Variants in ALPK3 observed in about 807,000 individuals in gnomAD.
ALPK3 encodes the protein alpha-protein kinase 3.
In ALPK3, 102 loss-of-function variants were observed where a neutral mutation model predicts 140.0. The observed-to-expected ratio is 0.73, with a 90% CI of 0.62 to 0.86. ALPK3 has a LOEUF of 0.86. ALPK3 is among the 40% of genes least tolerant of loss of function. The pLI, the probability that ALPK3 is intolerant of heterozygous loss-of-function variation, is 0.00. For synonymous variants in ALPK3, 938 were observed against 898.5 expected (o/e 1.04, Z -0.79); for missense variants, 2,254 against 2,208.2 (o/e 1.02, Z -0.42).
rs537007365 is a variant in ALPK3, at chr15:84,847,756, C to G, written c.1653+6824C>G. Among the ~76,000 whole-genome samples, 15 of 152,236 alleles carry G rather than the reference C, an allele frequency of 9.9e-5. No homozygotes were observed. The South Asian group carries it at 2.9e-3, about 30-fold the overall frequency. On this transcript the variant is annotated intron_variant, in intron 5 of 13. Coordinates refer to ENST00000258888, the MANE Select transcript of ALPK3 (RefSeq NM_020778.5). ...AACAAGACACTACATTGTCAGCAGACCTGTTCTAGAAGAATTGCTAGGCTG... is the reference window on the plus strand; with the variant it reads ...AACAAGACACTACATTGTCAGCAGAGCTGTTCTAGAAGAATTGCTAGGCTG...
At chr15:84,850,879 TACACACACACACACACACACACACAC>T (rs4040516) in intron 5 of ALPK3, among the ~76,000 whole-genome samples, 1 of 142,366 alleles carries the variant, frequency 7.0e-6, no homozygotes, top group East Asian at 2.0e-4. Context: ...GTTCCAGATA[TACACACACACACACACACACACACAC>T]ACACACACAC....
rs56005718 is a variant in ALPK3 at position 84,856,448 on chromosome 15, T to C, written c.1710T>C (p.Asp570=). 4,786 of 1,613,696 alleles carry C rather than the reference T, an allele frequency of 3.0e-3. 130 individuals carry two copies. In the Admixed American group the frequency reaches 0.044, roughly 15 times the overall value. Residue 570 remains aspartate, a synonymous_variant, in exon 6 of 14, where the codon GAT becomes GAC. Transcript: ENST00000258888. ...APTMSASSSS[D]VASIGVSTSG... is the part of the protein sequence containing the mutation. ...CCATGTCGGCCAGCAGCAGCTCTGATGTAGCCTCCATTGGGGTTAGCACTT... is the reference window on the plus strand; with the variant it reads ...CCATGTCGGCCAGCAGCAGCTCTGACGTAGCCTCCATTGGGGTTAGCACTT...
Position 84,839,843 on chromosome 15 carries a change from G to C in ALPK3, c.564G>C (p.Lys188Asn), listed in dbSNP as rs777335669. The change falls in exon 5 of 14, where the codon AAG (lysine) becomes AAC (asparagine). Residue 188 changes from lysine to asparagine, a missense_variant. Lys to Asn is a moderately conservative substitution (Grantham distance 94). Coordinates refer to ENST00000258888, the MANE Select transcript of ALPK3 (RefSeq NM_020778.5). ...HQRWFAKLKRKAAAKLREIEQ... is the reference protein window; with the variant it reads ...HQRWFAKLKRNAAAKLREIEQ... ...GCTGGTTCGCCAAGTTGAAGCGCAA[G>C]GCTGCGGCAAAGCTGCGCGAGATCG... The C allele has an allele frequency of 3.1e-6, 5 of 1,614,156 alleles. No individual in the cohort carries two copies. In the African/African-American group the frequency reaches 4.0e-5, roughly 13 times the overall value.
At chr15:84,863,858 C>T (rs574516885) in intron 11 of ALPK3, among the ~76,000 whole-genome samples, 10 of 152,206 alleles carry the variant, frequency 6.6e-5, no homozygotes, top group Non-Finnish European at 8.8e-5. Context: ...ACTTGAGTCC[C>T]GCCCACCCCG....
At chr15:84,829,244 A>C (rs28363946) in intron 3 of ALPK3, among the ~76,000 whole-genome samples, 20,402 of 152,178 alleles carry the variant, frequency 0.13, 1,457 homozygotes, top group Non-Finnish European at 0.16. Context: ...GTTATGGTAG[A>C]TAAGGAATTA....
At chr15:84,855,014 CT>C (rs1303045568) in intron 5 of ALPK3, among the ~76,000 whole-genome samples, 1 of 152,208 alleles carries the variant, frequency 6.6e-6, no homozygotes, top group African/African-American at 2.4e-5. Context: ...AACAATATTC[CT>C]TTAGTCTTTG....
intron 1 of ALPK3, among the ~76,000 whole-genome samples, chr15:84,818,057 G>C (rs1963382721): frequency 6.6e-6 from 1 of 152,124 alleles, no homozygotes; most frequent in Non-Finnish European, 1.5e-5. Context: ...GGGTGGGGAG[G>C]TTCTCCAGGA....
rs773771642 is a variant in ALPK3 at position 84,864,534 on chromosome 15, G to A, written c.4592G>A (p.Cys1531Tyr). 2 of 1,614,212 alleles carry A rather than the reference G, an allele frequency of 1.2e-6. No individual in the cohort carries two copies. Among genetic ancestry groups the A allele is most frequent in the Non-Finnish European group, 8.5e-7 (1 of 1,180,036 alleles). Residue 1531 changes from cysteine (C) to tyrosine (Y), a missense_variant, in exon 12 of 14, where the codon TGT (cysteine) becomes TAT (tyrosine). Transcript: ENST00000258888. ...CTGGGCAAGCCCCTGGAGTCTTACT[G>A]TTCTCGGGAATGGGGCTGTGCTGAG... ...EDLGKPLESY[C>Y]SREWGCAEAP... is the part of the protein sequence containing the mutation.
At chr15:84,863,868 G>A (rs545000300) in intron 11 of ALPK3, among the ~76,000 whole-genome samples, 40 of 152,276 alleles carry the variant, frequency 2.6e-4, no homozygotes, top group African/African-American at 8.7e-4. Flanking sequence ...CGCCCACCCC[G>A]GTTCCTCATT....
rs748479256 is a variant in ALPK3, at chr15:84,856,750, T to C, written c.2012T>C (p.Leu671Pro). ...ACACAGGGAAGGGCAGAGACACAGC[T>C]AGAAACAACACAGGCAGGTGAGAAG... ...MMTQGRAETQ[L>P]ETTQAGEKIQ... Residue 671 changes from leucine (L) to proline (P), a missense_variant, in exon 6 of 14, where the codon CTA (leucine) becomes CCA (proline). Leu to Pro is a moderately conservative substitution (Grantham distance 98, BLOSUM62 -3). This residue lies in a region of ALPK3 where 2,088 missense variants were observed against 2,022.9 expected (regional missense o/e 1.03). Coordinates refer to ENST00000258888, the MANE Select transcript of ALPK3 (RefSeq NM_020778.5). 2 of 1,613,580 alleles carry C rather than the reference T, an allele frequency of 1.2e-6. No homozygotes were observed. Among genetic ancestry groups the C allele is most frequent in the Non-Finnish European group, 1.7e-6 (2 of 1,179,938 alleles).
In ALPK3 at chr15:84,858,493, C is replaced by T. The variant is rs1471128425; in HGVS notation, c.3755C>T (p.Ala1252Val). 6.3e-7 allele frequency: 1 copy of T among 1,581,418 alleles called. No individual in the cohort carries two copies. Among genetic ancestry groups the T allele is most frequent in the Non-Finnish European group, 8.5e-7 (1 of 1,169,834 alleles). The part of the protein sequence containing the change: ...PKAGGLDTEV[A>V]LDEGKQETLA... ...GCCGGCGGTCTGGACACAGAGGTGGCCCTGGATGAAGGCAAGCAGGAGACA... is the reference window on the plus strand; with the variant it reads ...GCCGGCGGTCTGGACACAGAGGTGGTCCTGGATGAAGGCAAGCAGGAGACA... The change falls in exon 6 of 14, where the codon GCC becomes GTC. Residue 1252 changes from alanine (A) to valine (V), a missense_variant. Around this residue, in one of 3 missense-constraint regions of ALPK3, gnomAD observed 2,088 missense variants for 2,022.9 expected, o/e 1.03. Transcript: ENST00000258888.
intron 2 of ALPK3, 142 bp from the exon 3 acceptor site, chr15:84,827,342 G>C (rs371383917): frequency 3.8e-5 from 47 of 1,244,824 alleles, no homozygotes; most frequent in East Asian, 1.9e-4. Flanking sequence ...AAGCTGCCTT[G>C]AAGAAAGACT....
Position 84,871,977 on chromosome 15 carries a change from A to AT in ALPK3, c.*3521_*3522insT, listed in dbSNP as rs1426753956. On this transcript the variant is annotated 3_prime_UTR_variant, in exon 14 of 14. Transcript: ENST00000258888. The stretch of plus-strand genomic sequence containing the variant: ...AACAAGGGCCCAAAAGGGCCAAGAC[A>AT]AATTACTGCCCCTCTCAGAGCCACA... 1.3e-5 allele frequency: 2 copies of AT among 152,278 alleles called. No homozygotes were observed. The highest frequency in any genetic ancestry group is 6.5e-5 in the Admixed American group (1 of 15,282). 9.4% of individuals were successfully genotyped at this position (152,278 alleles called of 1,614,324 possible).
At position 84,868,640 on chromosome 15, in the gene ALPK3, C is replaced by T. The variant is rs1964032370; in HGVS notation, c.*184C>T. ...CATCAGATGGCTTTGGTGCATGGCA[C>T]ATAGCCCACTGGCCTCTTCTGGTGC... On this transcript the variant is annotated 3_prime_UTR_variant, in exon 14 of 14. Coordinates refer to ENST00000258888, the MANE Select transcript of ALPK3 (RefSeq NM_020778.5). 3.1e-6 allele frequency: 2 copies of T among 653,988 alleles called. No individual in the cohort carries two copies. Among genetic ancestry groups the T allele is most frequent in the Non-Finnish European group, 5.1e-6 (2 of 388,596 alleles). The allele number at this position is 653,988 out of a possible 1,614,324, so 40.5% of individuals were successfully genotyped here.
At position 84,872,652 on chromosome 15, in the gene ALPK3, A is replaced by G. The variant is rs1412176994; in HGVS notation, c.*4196A>G. 1 of 152,224 alleles carries G rather than the reference A, an allele frequency of 6.6e-6. No individual in the cohort carries two copies. 9.4% of individuals were successfully genotyped at this position (152,224 alleles called of 1,614,324 possible). On this transcript the variant is annotated 3_prime_UTR_variant, in exon 14 of 14. Coordinates refer to ENST00000258888, the MANE Select transcript of ALPK3 (RefSeq NM_020778.5). Reference sequence around the variant, plus strand: ...ACAGATCCCTCAACCCCAGAACTTTATAGAAGGGGCAGACCTTGGCATTTT... The same window carrying G: ...ACAGATCCCTCAACCCCAGAACTTTGTAGAAGGGGCAGACCTTGGCATTTT...
rs1964075398 is a variant in ALPK3 at position 84,871,858 on chromosome 15, G to C, written c.*3402G>C. ...AATTCTCTGGTTGGGTGCAGTATGT[G>C]AGGAGGTCACATGATGTTTATGGCA... On this transcript the variant is annotated 3_prime_UTR_variant, in exon 14 of 14. Transcript: ENST00000258888. The C allele has an allele frequency of 6.6e-6, 1 of 152,276 alleles. No homozygotes were observed. The highest frequency in any genetic ancestry group is 6.5e-5 in the Admixed American group (1 of 15,288). 9.4% of individuals were successfully genotyped at this position (152,276 alleles called of 1,614,324 possible). A position where few individuals can be genotyped will look rare whatever the true frequency, so the allele number is the denominator to read the frequency against.
At chr15:84,834,676 A>G (rs531630568) in intron 3 of ALPK3, among the ~76,000 whole-genome samples, 1 of 152,358 alleles carries the variant, frequency 6.6e-6, no homozygotes, top group Non-Finnish European at 1.5e-5. Context: ...CAAGTTTCCA[A>G]GCTGGGTTCT....
chr15:84,858,051 G>A lies in ALPK3; in HGVS notation c.3313G>A (p.Ala1105Thr), dbSNP rs762282215. Residue 1105 changes from alanine to threonine, a missense_variant, in exon 6 of 14, where the codon GCC (alanine) becomes ACC (threonine). By Grantham distance (58) the Ala-to-Thr change is moderately conservative (BLOSUM62 0). Transcript: ENST00000258888. The stretch of plus-strand genomic sequence containing the variant: ...CCCTGAGGGGCCTGGCCTCCTGGGG[G>A]CCTCTCAGGAGAGCAGCATGGCTGG... Reference protein sequence around the residue: ...VSPEGPGLLGASQESSMAGRL... With the variant: ...VSPEGPGLLGTSQESSMAGRL... 1.9e-6 allele frequency: 3 copies of A among 1,569,024 alleles called. No individual in the cohort carries two copies. Among genetic ancestry groups the A allele is most frequent in the Admixed American group, 1.9e-5 (1 of 52,734 alleles).
chr15:84,859,471 C>A, intron 7 of ALPK3, 81 bp downstream of exon 7: 1 of 1,525,172 alleles, frequency 6.6e-7, no homozygotes, highest in Non-Finnish European at 8.9e-7. Flanking sequence ...GTGCTTTGAA[C>A]CTATCGCCTC....
Sources: allele counts gnomAD v4.1 joint callset (sites outside exome capture counted in the v4.1 genomes callset), GRCh38; gene constraint gnomAD v4.1.1; regional missense constraint gnomAD v4.1.1; transcripts MANE v1.5; gene names NCBI Gene and HGNC (gene_info 2026-07-23, HGNC 2026-07-21).